Variants in PLXDC2 observed in about 807,000 individuals in gnomAD.
PLXDC2 encodes plexin domain-containing protein 2.
A neutral mutation model predicts 68.9 loss-of-function variants in PLXDC2; 40 were observed. The ratio of observed to expected loss-of-function variants is 0.58; its 90% CI spans 0.45 to 0.76. The LOEUF (loss-of-function observed/expected upper bound fraction) is 0.76. Ranked by LOEUF, PLXDC2 falls within the 30% of genes least tolerant of loss-of-function variation. The pLI is 0.00. For missense variants in PLXDC2, 644 were observed against 661.9 expected, an observed-to-expected ratio of 0.97 and a Z score of 0.30; for synonymous variants, 243 against 234.2, an observed-to-expected ratio of 1.04 and a Z score of -0.34.
At chr10:20,172,058 C>T (rs1834454223) in intron 7 of PLXDC2, among the ~76,000 whole-genome samples, 1 of 152,062 alleles carries the variant, frequency 6.6e-6, no homozygotes, top group South Asian at 2.1e-4. Flanking sequence ...ACAATATATC[C>T]ATGTAACAAA....
At chr10:20,116,191 C>T (rs180962745) in intron 4 of PLXDC2, among the ~76,000 whole-genome samples, 2 of 152,300 alleles carry the variant, frequency 1.3e-5, no homozygotes, top group Admixed American at 1.3e-4. Context: ...GAGATCATAG[C>T]TTTGCCCCCA....
chr10:20,167,821 T>C (rs1462714629), intron 7 of PLXDC2, among the ~76,000 whole-genome samples: 1 of 152,162 alleles, frequency 6.6e-6, no homozygotes, highest in East Asian at 1.9e-4. Flanking sequence ...ATCATTCTTA[T>C]CAGATTTGGT....
intron 1 of PLXDC2, among the ~76,000 whole-genome samples, chr10:19,845,556 A>T (rs570250450): frequency 6.6e-6 from 1 of 152,258 alleles, no homozygotes; most frequent in South Asian, 2.1e-4. Context: ...AGCTTACCCC[A>T]TGAGAGTTCT....
At chr10:20,241,991 G>A (rs1361195735) in intron 12 of PLXDC2, among the ~76,000 whole-genome samples, 2 of 152,088 alleles carry the variant, frequency 1.3e-5, no homozygotes, top group East Asian at 3.9e-4. Flanking sequence ...ATAAGAAACA[G>A]CAAGAAAGAG....
intron 1 of PLXDC2, among the ~76,000 whole-genome samples, chr10:19,911,016 A>T (rs1008114671): frequency 1.3e-5 from 2 of 151,730 alleles, no homozygotes; most frequent in Admixed American, 6.6e-5. Flanking sequence ...CTCAGAAAAC[A>T]AAAAACAAAA....
chr10:19,888,779 C>G (rs1293377978), intron 1 of PLXDC2, among the ~76,000 whole-genome samples: 3 of 151,722 alleles, frequency 2.0e-5, no homozygotes, highest in East Asian at 1.9e-4. Context: ...TAGGGTGAGG[C>G]TGGTAAAATC....
intron 2 of PLXDC2, among the ~76,000 whole-genome samples, chr10:20,003,641 AG>A (rs1834978821): frequency 6.6e-6 from 1 of 152,178 alleles, no homozygotes; most frequent in Non-Finnish European, 1.5e-5. Flanking sequence ...CATGTTGGCC[AG>A]GCTGGTCTTG....
rs1018163061 is a variant in PLXDC2, at chr10:19,830,162, A to G, written c.112+12971A>G. Among the ~76,000 whole-genome samples, 4 of 152,240 alleles carry G rather than the reference A, an allele frequency of 2.6e-5. No homozygotes were observed. The South Asian group carries it at 8.3e-4, about 31-fold the overall frequency. On this transcript the variant is annotated intron_variant, in intron 1 of 13. Transcript: ENST00000377252. ...AATTTGCATAAATAGCTTTCCACCT[A>G]TCTCAAGGCAAAGGAGTCCAACTGG...
intron 1 of PLXDC2, among the ~76,000 whole-genome samples, chr10:19,981,162 A>G (rs1834544008): frequency 1.3e-5 from 2 of 152,206 alleles, no homozygotes. Context: ...CAATAGTTGA[A>G]TCTTTGATAG....
intron 9 of PLXDC2, among the ~76,000 whole-genome samples, chr10:20,189,984 C>A (rs1589672602): frequency 6.6e-6 from 1 of 151,774 alleles, no homozygotes; most frequent in East Asian, 1.9e-4. Context: ...AATATCAAGA[C>A]ATTCTTTTAA....
intron 2 of PLXDC2, among the ~76,000 whole-genome samples, chr10:20,018,903 A>G (rs72791838): frequency 0.12 from 18,326 of 152,238 alleles, 1,280 homozygotes; most frequent in Admixed American, 0.18. Flanking sequence ...TGGATCGAGT[A>G]TATATAAAAT....
At chr10:20,172,230 G>A (rs1379224244) in intron 7 of PLXDC2, among the ~76,000 whole-genome samples, 407 of 110,250 alleles carry the variant, frequency 3.7e-3, no homozygotes, top group Middle Eastern at 4.8e-3. Context: ...TTGTGAAAAG[G>A]AAAAAAAAAA....
intron 7 of PLXDC2, among the ~76,000 whole-genome samples, chr10:20,169,292 T>G (rs1307106873): frequency 6.6e-6 from 1 of 152,206 alleles, no homozygotes; most frequent in Non-Finnish European, 1.5e-5. Flanking sequence ...ATTAGAAATA[T>G]CCCATTTCCC....
At chr10:19,901,879 A>C (rs1838166459) in intron 1 of PLXDC2, among the ~76,000 whole-genome samples, 2 of 152,148 alleles carry the variant, frequency 1.3e-5, no homozygotes. Flanking sequence ...ATCCAGTTTC[A>C]TTCTTCTACA....
At chr10:20,011,472 C>A (rs900289118) in intron 2 of PLXDC2, among the ~76,000 whole-genome samples, 1 of 152,178 alleles carries the variant, frequency 6.6e-6, no homozygotes, top group Non-Finnish European at 1.5e-5. Flanking sequence ...CGTCATCCAC[C>A]AGCGCCTAGA....
chr10:19,833,587 T>A (rs932934264), intron 1 of PLXDC2, among the ~76,000 whole-genome samples: 2 of 152,244 alleles, frequency 1.3e-5, no homozygotes, highest in Non-Finnish European at 2.9e-5. Flanking sequence ...TTTCTTGGCA[T>A]GGGCTGAGGA....
intron 4 of PLXDC2, among the ~76,000 whole-genome samples, chr10:20,113,625 TA>T (rs921446332): frequency 2.0e-5 from 3 of 151,854 alleles, no homozygotes; most frequent in Non-Finnish European, 4.4e-5. Context: ...ACTTACTATT[TA>T]AAAAAAAATT....
intron 7 of PLXDC2, 78 bp from the exon 8 acceptor site, chr10:20,176,921 C>A: frequency 9.7e-7 from 1 of 1,033,746 alleles, no homozygotes; most frequent in South Asian, 1.4e-5. Flanking sequence ...GTATATAATT[C>A]TATATCCATT....
At chr10:20,043,002 T>A (rs537663249) in intron 2 of PLXDC2, among the ~76,000 whole-genome samples, 213 of 152,308 alleles carry the variant, frequency 1.4e-3, no homozygotes, top group Non-Finnish European at 2.7e-3. Context: ...TGCTTTACTT[T>A]TGAAAAGAAA....
Sources: allele counts gnomAD v4.1 joint callset (sites outside exome capture counted in the v4.1 genomes callset), GRCh38; gene constraint gnomAD v4.1.1; transcripts MANE v1.5; gene names NCBI Gene and HGNC (gene_info 2026-07-23, HGNC 2026-07-21).